The following THOC1 variants were observed in gnomAD, a reference collection of about 807,000 sequenced individuals.
THOC1 encodes the protein THO complex 1.
Under a neutral mutation model 97.3 loss-of-function variants are expected in THOC1, and 29 were observed. The observed-to-expected ratio is 0.30, with a 90% CI of 0.22 to 0.41. The LOEUF is 0.41. Among genes scored for constraint, THOC1 ranks in the 10% least tolerant of loss-of-function variants. THOC1 has a pLI of 1.00. For synonymous variants in THOC1, 255 were observed against 257.0 expected, an observed-to-expected ratio of 0.99 and a Z score of 0.07; for missense variants, 529 against 761.9, an observed-to-expected ratio of 0.69 and a Z score of 3.60.
In THOC1 at chr18:259,389, T is replaced by C. The variant is rs908308285; in HGVS notation, c.425-114A>G. ...AAGAGTATTTTCCTAAAGCAGTAGT[T>C]CTTAAATTGGGGGCCGAAACCACTG... On this transcript the variant is annotated intron_variant, in intron 6 of 20. Coordinates refer to ENST00000261600, the MANE Select transcript of THOC1 (RefSeq NM_005131.3). 65 of 890,878 alleles carry C rather than the reference T, an allele frequency of 7.3e-5. No individual in the cohort carries two copies. The Middle Eastern group carries it at 8.3e-4, about 11-fold the overall frequency. The allele number at this position is 890,878 out of a possible 1,614,324, so 55.2% of individuals were successfully genotyped here. A position where few individuals can be genotyped will look rare whatever the true frequency, so the allele number is the denominator to read the frequency against.
chr18:234,568 GA>G (rs1188297289), intron 11 of THOC1, among the ~76,000 whole-genome samples: 1 of 151,136 alleles, frequency 6.6e-6, no homozygotes, highest in Non-Finnish European at 1.5e-5. Context: ...TGTTTTTTCA[GA>G]CACGGTCTTG....
chr18:218,074 A>G (rs924719405), intron 18 of THOC1, among the ~76,000 whole-genome samples: 12 of 152,232 alleles, frequency 7.9e-5, no homozygotes, highest in Admixed American at 6.5e-5. Flanking sequence ...AAGAGGTCAC[A>G]GTAATTAACA....
chr18:233,196 C>G (rs1015322162), intron 11 of THOC1, among the ~76,000 whole-genome samples: 4 of 152,200 alleles, frequency 2.6e-5, no homozygotes, highest in Non-Finnish European at 5.9e-5. Context: ...TTCATACTTT[C>G]AATTAACCTG....
In THOC1 at chr18:257,059, G is replaced by A. The variant is rs1468015726; in HGVS notation, c.520+2121C>T. ...TATGTACATTTTTTTAGATGCTATT[G>A]CATACTTAATAGACTACAGCATAGT... is the stretch of plus-strand genomic sequence containing the variant. On this transcript the variant is annotated intron_variant, in intron 7 of 20. Coordinates refer to ENST00000261600, the MANE Select transcript of THOC1 (RefSeq NM_005131.3). Among the ~76,000 whole-genome samples the A allele has an allele frequency of 2.0e-5, 3 of 152,130 alleles. No homozygotes were observed. In the South Asian group the frequency reaches 6.2e-4, roughly 32 times the overall value.
intron 4 of THOC1, among the ~76,000 whole-genome samples, chr18:262,183 G>C (rs1912625866): frequency 6.6e-6 from 1 of 152,124 alleles, no homozygotes; most frequent in Non-Finnish European, 1.5e-5. Flanking sequence ...CCTGAAGCAG[G>C]CTACTTCATC....
chr18:254,294 C>G lies in THOC1; in HGVS notation c.582G>C (p.Gln194His). 6.3e-7 allele frequency: 1 copy of G among 1,584,098 alleles called. No homozygotes were observed. The highest frequency in any genetic ancestry group is 8.6e-7 in the Non-Finnish European group (1 of 1,164,188). Residue 194 changes from glutamine (Q) to histidine (H), a missense_variant, in exon 8 of 21, where the codon CAG (glutamine) becomes CAC (histidine). By Grantham distance (24) the Gln-to-His change is conservative (BLOSUM62 0). This residue lies in a region of THOC1 where 92 missense variants were observed against 127.0 expected (regional missense o/e 0.72). Coordinates refer to ENST00000261600, the MANE Select transcript of THOC1 (RefSeq NM_005131.3). This position sits in a 1 kb window ranked among gnomAD's most constrained non-coding sequence, Gnocchi z 4.1. ...ENVTVFNTNE[Q>H]ESTLGQKHTE... is the part of the protein sequence containing the mutation. The stretch of plus-strand genomic sequence containing the variant: ...TCACCTTCTGACCCAGGGTGCTTTC[C>G]TGCTCATTTGTATTGAAAACAGTGA...
rs768962290 is a variant in THOC1 at position 259,257 on chromosome 18, G to A, written c.443C>T (p.Ser148Phe). 1 of 1,610,942 alleles carries A rather than the reference G, an allele frequency of 6.2e-7. No individual in the cohort carries two copies. Among genetic ancestry groups the A allele is most frequent in the Non-Finnish European group, 8.5e-7 (1 of 1,178,456 alleles). Residue 148 changes from serine to phenylalanine, a missense_variant, in exon 7 of 21, where the codon TCT (serine) becomes TTT (phenylalanine). Around this residue, in one of 8 missense-constraint regions of THOC1, gnomAD observed 49 missense variants for 91.7 expected, o/e 0.53. Transcript: ENST00000261600. ...RMCNDLLRRL[S>F]KSQNTVFCGR... is the part of the protein sequence containing the mutation. ...ACAGAAGACTGTATTCTGGGATTTA[G>A]ACAATCTTCTTAGGAGATCTAACAA...
chr18:252,420 AT>A, intron 9 of THOC1, 118 bp downstream of exon 9: 1 of 771,266 alleles, frequency 1.3e-6, no homozygotes, highest in Non-Finnish European at 2.1e-6. Flanking sequence ...AAAATTACAA[AT>A]GAAAGAAATT....
intron 3 of THOC1, chr18:264,995 T>C (rs1267601312): frequency 3.5e-6 from 1 of 282,620 alleles, no homozygotes; most frequent in Non-Finnish European, 6.5e-6. Context: ...CTACAGGATG[T>C]ATCACTGCTT....
chr18:238,562 C>T (rs1435892661), intron 11 of THOC1, among the ~76,000 whole-genome samples: 1 of 152,214 alleles, frequency 6.6e-6, no homozygotes, highest in East Asian at 1.9e-4. Flanking sequence ...GAGCATGTTA[C>T]TGCACTGAAT....
intron 11 of THOC1, among the ~76,000 whole-genome samples, chr18:227,409 A>G (rs962149049): frequency 6.6e-6 from 1 of 152,170 alleles, no homozygotes; most frequent in Non-Finnish European, 1.5e-5. Flanking sequence ...ACAGCACAAT[A>G]TCAACGGGGA....
intron 9 of THOC1, among the ~76,000 whole-genome samples, chr18:250,954 C>T (rs953296832): frequency 1.3e-5 from 2 of 152,014 alleles, no homozygotes; most frequent in Non-Finnish European, 2.9e-5. Flanking sequence ...TCAGGCCAGA[C>T]CTTAAAGCCT....
At chr18:225,464 T>C in intron 12 of THOC1, 61 bp from the exon 13 acceptor site, 2 of 1,407,194 alleles carry the variant, frequency 1.4e-6, no homozygotes, top group Non-Finnish European at 2.0e-6. Flanking sequence ...AACTTTAAGG[T>C]TTAAAAAACA....
At position 267,990 on chromosome 18, in the gene THOC1, C is replaced by A; in HGVS notation, c.30G>T (p.Leu10Phe). 2.5e-6 allele frequency: 4 copies of A among 1,611,600 alleles called. No individual in the cohort carries two copies. Among genetic ancestry groups the A allele is most frequent in the Non-Finnish European group, 3.4e-6 (4 of 1,179,082 alleles). The part of the protein sequence containing the change: MSPTPPLFS[L>F]PEARTRFTKS... ...CCGTAAACCGCGTCCGCGCTTCGGG[C>A]AAACTGAAGAGCGGCGGCGTCGGAG... Residue 10 changes from leucine to phenylalanine, a missense_variant, in exon 1 of 21, where the codon TTG becomes TTT. Leu to Phe is a conservative substitution (Grantham distance 22). Transcript: ENST00000261600.
At chr18:223,398 C>T in intron 17 of THOC1, 42 bp downstream of exon 17, 2 of 1,490,076 alleles carry the variant, frequency 1.3e-6, no homozygotes, top group Non-Finnish European at 1.8e-6. Context: ...CTACTCAACA[C>T]TTGACAAAAG....
intron 18 of THOC1, among the ~76,000 whole-genome samples, chr18:218,465 T>C (rs530539963): frequency 4.4e-4 from 67 of 152,176 alleles, no homozygotes; most frequent in Non-Finnish European, 9.0e-4. Flanking sequence ...TGAAATGGAA[T>C]GTGAGGTGGA....
intron 11 of THOC1, among the ~76,000 whole-genome samples, chr18:231,302 T>C (rs759156568): frequency 6.6e-6 from 1 of 152,192 alleles, no homozygotes; most frequent in Non-Finnish European, 1.5e-5. Context: ...TTTCCCGATA[T>C]TCTAACCCTA....
intron 11 of THOC1, among the ~76,000 whole-genome samples, chr18:239,048 T>C (rs1266333232): frequency 1.3e-5 from 2 of 152,188 alleles, no homozygotes; most frequent in African/African-American, 4.8e-5. Context: ...CCTCTATTAT[T>C]AACTCAGGAT....
intron 16 of THOC1, 133 bp downstream of exon 16, chr18:223,951 C>A (rs567267057): frequency 1.5e-6 from 1 of 681,602 alleles, no homozygotes. Context: ...ATAGACAGTG[C>A]GGTTTGCTTT....
Sources: gnomAD v4.1 joint callset for allele counts (sites outside exome capture counted in the v4.1 genomes callset) on GRCh38, gnomAD v4.1.1 for gene constraint, gnomAD v4.1.1 regional missense constraint, Gnocchi (gnomAD v3.1) non-coding constraint, MANE v1.5 for transcripts, NCBI Gene and HGNC (gene_info 2026-07-23, HGNC 2026-07-21) for gene names.